Variants in CYB5RL observed in about 807,000 individuals in gnomAD.
The protein encoded by CYB5RL is cytochrome b5 reductase like.
CYB5RL carries 38 observed loss-of-function variants against 37.5 expected under a neutral mutation model. The ratio of observed to expected loss-of-function variants is 1.01; its 90% CI spans 0.78 to 1.33. CYB5RL has a LOEUF of 1.33. Among genes scored for constraint, CYB5RL ranks in the 40% most tolerant of loss-of-function variants. CYB5RL has a pLI of 0.00. For missense variants in CYB5RL, 388 were observed against 394.4 expected (o/e 0.98, Z 0.14); for synonymous variants, 141 against 151.9 (o/e 0.93, Z 0.53).
At chr1:54,175,347 G>A (rs942815010) in intron 7 of CYB5RL, among the ~76,000 whole-genome samples, 1 of 152,190 alleles carries the variant, frequency 6.6e-6, no homozygotes, top group Non-Finnish European at 1.5e-5. Flanking sequence ...AAGAGACAAG[G>A]GTCCTGGCTG....
rs1199991380 is a variant in CYB5RL at position 54,171,798 on chromosome 1, G to A, written c.*2821C>T. ...AACCATGCCCCCACAGCTCCAAGAG[G>A]TCTGAACTCACACACCACACCCCAC... On this transcript the variant is annotated 3_prime_UTR_variant, in exon 8 of 8. Coordinates refer to ENST00000534324, the MANE Select transcript of CYB5RL (RefSeq NM_001031672.4). The A allele has an allele frequency of 6.9e-6, 2 of 289,828 alleles. No homozygotes were observed. Among genetic ancestry groups the A allele is most frequent in the Non-Finnish European group, 1.4e-5 (2 of 146,820 alleles). The allele number at this position is 289,828 out of a possible 1,614,324, so 18.0% of individuals were successfully genotyped here.
chr1:54,178,974 C>T (rs1314824525), intron 7 of CYB5RL, among the ~76,000 whole-genome samples, 175 bp downstream of exon 7: 1 of 152,234 alleles, frequency 6.6e-6, no homozygotes, highest in African/African-American at 2.4e-5. Context: ...TGCATCTCCT[C>T]ATCTGTATAA....
chr1:54,189,421 G>A (rs1280449348), intron 4 of CYB5RL, among the ~76,000 whole-genome samples: 1 of 152,174 alleles, frequency 6.6e-6, no homozygotes, highest in Non-Finnish European at 1.5e-5. Flanking sequence ...AAGGGTGGTG[G>A]GAATGGGGCG....
chr1:54,195,106 G>T (rs1040101470), intron 3 of CYB5RL, among the ~76,000 whole-genome samples: 2 of 152,204 alleles, frequency 1.3e-5, no homozygotes, highest in East Asian at 3.8e-4. Flanking sequence ...CTATTTCACA[G>T]GGCCTGGTAT....
At position 54,187,633 on chromosome 1, in the gene CYB5RL, TC is replaced by T; in HGVS notation, c.435+18del. 6.2e-7 allele frequency: 1 copy of T among 1,612,198 alleles called. No individual in the cohort carries two copies. Among genetic ancestry groups the T allele is most frequent in the South Asian group, 1.1e-5 (1 of 90,984 alleles). On this transcript the variant is annotated intron_variant, in intron 5 of 7. Transcript: ENST00000534324. Reference sequence around the variant, plus strand: ...AGCTTCTCCACGGCATCTTGGAGCATCCTCAAGGGTCAACTCACCTTAATTA... The same window carrying T: ...AGCTTCTCCACGGCATCTTGGAGCATCTCAAGGGTCAACTCACCTTAATTA...
chr1:54,196,926 T>G (rs1366800811), intron 1 of CYB5RL, among the ~76,000 whole-genome samples: 4 of 152,142 alleles, frequency 2.6e-5, no homozygotes, highest in African/African-American at 9.7e-5. Context: ...AGAGAAATAC[T>G]GAAGAGGAAA....
chr1:54,195,699 C>T lies in CYB5RL; in HGVS notation c.-83G>A, dbSNP rs1270963725. ...GCTCTATGAGACCACGGGCGCAGGC[C>T]CTGCTCCTTGGCCAGCCTGGGAGAG... On this transcript the variant is annotated 5_prime_UTR_variant, in exon 3 of 8. Coordinates refer to ENST00000534324, the MANE Select transcript of CYB5RL (RefSeq NM_001031672.4). The T allele has an allele frequency of 3.2e-5, 47 of 1,468,894 alleles. No homozygotes were observed. The highest frequency in any genetic ancestry group is 4.2e-5 in the Non-Finnish European group (46 of 1,096,838). 91.0% of individuals were successfully genotyped at this position (1,468,894 alleles called of 1,614,324 possible).
At chr1:54,177,597 C>A (rs1278488826) in intron 7 of CYB5RL, among the ~76,000 whole-genome samples, 3 of 152,188 alleles carry the variant, frequency 2.0e-5, no homozygotes, top group African/African-American at 7.2e-5. Flanking sequence ...ACTCCACTCT[C>A]CACTAACTTG....
Position 54,179,161 on chromosome 1 carries a change from A to T in CYB5RL, c.732T>A (p.Phe244Leu), listed in dbSNP as rs2100460552. ...ACCCTGGGCTCACCTGGCTGAGTACAAAGAAGGTACGGACATTCCAGAAAC... is the reference window on the plus strand; with the variant it reads ...ACCCTGGGCTCACCTGGCTGAGTACTAAGAAGGTACGGACATTCCAGAAAC... Reference protein sequence around the residue: ...QARFWNVRTFFVLSQESSSEQ... With the variant: ...QARFWNVRTFLVLSQESSSEQ... The change falls in exon 7 of 8, where the codon TTT (phenylalanine) becomes TTA (leucine). Residue 244 changes from phenylalanine (F) to leucine (L), a missense_variant. Coordinates refer to ENST00000534324, the MANE Select transcript of CYB5RL (RefSeq NM_001031672.4). 3 of 1,612,650 alleles carry T rather than the reference A, an allele frequency of 1.9e-6. No homozygotes were observed. Among genetic ancestry groups the T allele is most frequent in the East Asian group, 4.5e-5 (2 of 44,786 alleles).
chr1:54,182,838 C>T (rs1660200135), intron 6 of CYB5RL, among the ~76,000 whole-genome samples: 1 of 152,256 alleles, frequency 6.6e-6, no homozygotes, highest in African/African-American at 2.4e-5. Flanking sequence ...CAGGCGTGAG[C>T]CACTGCGCCC....
intron 7 of CYB5RL, among the ~76,000 whole-genome samples, chr1:54,176,214 G>C (rs556364989): frequency 2.1e-4 from 32 of 152,348 alleles, no homozygotes; most frequent in Non-Finnish European, 1.3e-4. Context: ...CCTGTGAGGA[G>C]AGGCCTCTAT....
rs919656025 is a variant in CYB5RL, at chr1:54,170,999, C to T, written c.*3620G>A. The T allele has an allele frequency of 1.3e-5, 5 of 383,688 alleles. No homozygotes were observed. The highest frequency in any genetic ancestry group is 5.6e-5 in the South Asian group (3 of 53,286). The allele number at this position is 383,688 out of a possible 1,614,324, so 23.8% of individuals were successfully genotyped here. A position where few individuals can be genotyped will look rare whatever the true frequency, so the allele number is the denominator to read the frequency against. On this transcript the variant is annotated 3_prime_UTR_variant, in exon 8 of 8. Transcript: ENST00000534324. ...ACATCCAGGAAGTGCTGAGCATCCT[C>T]CCCTGTTAGGGGTACAATGGGCCGG...
At chr1:54,189,301 A>G (rs939996743) in intron 4 of CYB5RL, among the ~76,000 whole-genome samples, 1 of 152,168 alleles carries the variant, frequency 6.6e-6, no homozygotes, top group Non-Finnish European at 1.5e-5. Context: ...CAGAGGTAAA[A>G]CTGGTATGTT....
chr1:54,175,017 C>T (rs915255208), intron 7 of CYB5RL, among the ~76,000 whole-genome samples, 195 bp from the exon 8 acceptor site: 6 of 152,092 alleles, frequency 3.9e-5, no homozygotes, highest in South Asian at 2.1e-4. Context: ...CACCCTCCCA[C>T]GACAGCAGAG....
At chr1:54,184,016 C>T (rs757051815) in intron 6 of CYB5RL, 145 bp downstream of exon 6, 1 of 521,368 alleles carries the variant, frequency 1.9e-6, no homozygotes, top group Non-Finnish European at 3.4e-6. Context: ...AGTGTCTATT[C>T]CATCTTCTCC....
intron 7 of CYB5RL, among the ~76,000 whole-genome samples, chr1:54,177,795 C>T (rs1301753636): frequency 6.6e-6 from 1 of 152,216 alleles, no homozygotes. Context: ...GTCTCTGTGG[C>T]TGTCACCCAT....
rs371383333 is a variant in CYB5RL, at chr1:54,190,880, A to T, written c.215T>A (p.Leu72Gln). The T allele has an allele frequency of 3.0e-5, 48 of 1,611,910 alleles. No homozygotes were observed. Among genetic ancestry groups the T allele is most frequent in the Non-Finnish European group, 4.0e-5 (47 of 1,179,328 alleles). The change falls in exon 4 of 8, where the codon CTG becomes CAG. Residue 72 changes from leucine to glutamine, a missense_variant. Leu to Gln is a moderately radical substitution (Grantham distance 113, BLOSUM62 -2). Transcript: ENST00000534324. ...GPESQSCPSKLNPETFVAFCI... is the reference protein window; with the variant it reads ...GPESQSCPSKQNPETFVAFCI... ...GAAGGCCACGAAGGTCTCTGGGTTC[A>T]GCTTGGAGGGGCAGCTCTGCAACAG...
intron 5 of CYB5RL, chr1:54,185,175 T>C (rs1212170448): frequency 6.6e-6 from 1 of 152,248 alleles, no homozygotes; most frequent in Non-Finnish European, 1.5e-5. Flanking sequence ...CTCAGACATA[T>C]ACAAGGTAGA....
rs765725615 is a variant in CYB5RL at position 54,184,190 on chromosome 1, A to G, written c.511T>C (p.Phe171Leu). Residue 171 changes from phenylalanine (F) to leucine (L), a missense_variant, in exon 6 of 8, where the codon TTC (phenylalanine) becomes CTC (leucine). Phe to Leu is a conservative substitution (Grantham distance 22). Transcript: ENST00000534324. The part of the protein sequence containing the change: ...VGDTAFWRGP[F>L]GDFFYKPNQY... ...TTTGGTTTATAGAAGAAATCTCCGAAAGGTCCTCGCCAGAAAGCTGTGTCT... is the reference window on the plus strand; with the variant it reads ...TTTGGTTTATAGAAGAAATCTCCGAGAGGTCCTCGCCAGAAAGCTGTGTCT... 6.2e-7 allele frequency: 1 copy of G among 1,613,640 alleles called. No individual in the cohort carries two copies. Among genetic ancestry groups the G allele is most frequent in the Non-Finnish European group, 8.5e-7 (1 of 1,179,790 alleles).
Sources: allele counts gnomAD v4.1 joint callset (sites outside exome capture counted in the v4.1 genomes callset), GRCh38; gene constraint gnomAD v4.1.1; transcripts MANE v1.5; gene names NCBI Gene and HGNC (gene_info 2026-07-23, HGNC 2026-07-21).